The following BDP1 variants were observed in gnomAD, a reference collection of about 807,000 sequenced individuals.
BDP1 encodes the protein BDP1 general transcription factor IIIB subunit.
BDP1 carries 169 observed loss-of-function variants against 266.6 expected under a neutral mutation model. The ratio of observed to expected loss-of-function variants is 0.63; its 90% CI spans 0.56 to 0.72. BDP1 has a LOEUF of 0.72. BDP1 is among the 30% of genes least tolerant of loss of function. The pLI, the probability that BDP1 is intolerant of heterozygous loss-of-function variation, is 0.00. For synonymous variants in BDP1, 1,090 were observed against 1,022.4 expected (o/e 1.07, Z -1.26); for missense variants, 3,015 against 3,053.8 (o/e 0.99, Z 0.30).
In BDP1 at chr5:71,542,155, C is replaced by T. The variant is rs771114738; in HGVS notation, c.6302C>T (p.Ala2101Val). 46 of 1,611,546 alleles carry T rather than the reference C, an allele frequency of 2.9e-5. No homozygotes were observed. The highest frequency in any genetic ancestry group is 3.6e-5 in the Non-Finnish European group (42 of 1,178,924). The change falls in exon 30 of 39, where the codon GCT becomes GTT. Residue 2101 changes from alanine to valine, a missense_variant. By Grantham distance (64) the Ala-to-Val change is moderately conservative. Around this residue, in one of 3 missense-constraint regions of BDP1, gnomAD observed 629 missense variants for 632.5 expected, o/e 0.99. Coordinates refer to ENST00000358731, the MANE Select transcript of BDP1 (RefSeq NM_018429.3). ...TSNLRIRSRL[A>V]KPKPNLEKTL... is the part of the protein sequence containing the mutation. ...AATTTGAGAATAAGAAGTAGGCTTG[C>T]TAAGCCTAAACCAAATCTTGAGAAG...
chr5:71,489,335 C>A, intron 9 of BDP1, 69 bp from the exon 10 acceptor site: 1 of 1,202,018 alleles, frequency 8.3e-7, no homozygotes, highest in Non-Finnish European at 1.2e-6. Flanking sequence ...ATCTTTGAGT[C>A]TCTTTCCCAC....
chr5:71,469,600 T>G (rs1246934658), intron 6 of BDP1, among the ~76,000 whole-genome samples: 1 of 151,938 alleles, frequency 6.6e-6, no homozygotes, highest in Non-Finnish European at 1.5e-5. Context: ...AAATTCCAGA[T>G]GCTTTTGTAT....
intron 7 of BDP1, among the ~76,000 whole-genome samples, chr5:71,472,532 T>A (rs1217137851): frequency 6.6e-6 from 1 of 152,218 alleles, no homozygotes; most frequent in Non-Finnish European, 1.5e-5. Context: ...TGGACTAATG[T>A]ATTCCTGTAT....
chr5:71,534,763 T>C (rs745968434), intron 26 of BDP1, among the ~76,000 whole-genome samples: 1 of 152,140 alleles, frequency 6.6e-6, no homozygotes, highest in Non-Finnish European at 1.5e-5. Context: ...TGTCTCAGCT[T>C]CCCGAGTAGC....
Position 71,461,907 on chromosome 5 carries a change from C to G in BDP1, c.580C>G (p.Pro194Ala). 3 of 1,515,772 alleles carry G rather than the reference C, an allele frequency of 2.0e-6. No homozygotes were observed. Among genetic ancestry groups the G allele is most frequent in the Non-Finnish European group, 1.8e-6 (2 of 1,096,836 alleles). The allele number at this position is 1,515,772 out of a possible 1,614,324, so 93.9% of individuals were successfully genotyped here. ...MTMRDFIYYL[P>A]DNNPMTSSLE... ...TATGAGAGACTTCATATATTATCTA[C>G]CAGATAATAATCCAATGACGTAAGT... The change falls in exon 3 of 39, where the codon CCA (proline) becomes GCA (alanine). Residue 194 changes from proline (P) to alanine (A), a missense_variant. Physicochemically the swap from Pro to Ala is conservative, Grantham distance 27 (BLOSUM62 -1). This residue lies in a region of BDP1 where 2,383 missense variants were observed against 2,404.9 expected (regional missense o/e 0.99). Transcript: ENST00000358731.
At position 71,476,841 on chromosome 5, in the gene BDP1, C is replaced by G. The variant is rs565444083; in HGVS notation, c.1014+6352C>G. On this transcript the variant is annotated intron_variant, in intron 7 of 38. Coordinates refer to ENST00000358731, the MANE Select transcript of BDP1 (RefSeq NM_018429.3). ...GCCTCAGCCTTCCGAGTAGCTGGGA[C>G]TACAGGCGCCCGCCACCACGCCTGG... Among the ~76,000 whole-genome samples, 3 of 151,950 alleles carry G rather than the reference C, an allele frequency of 2.0e-5. No homozygotes were observed. The East Asian group carries it at 5.9e-4, about 30-fold the overall frequency.
chr5:71,512,925 G>C (rs556614805), intron 18 of BDP1, among the ~76,000 whole-genome samples: 4 of 151,836 alleles, frequency 2.6e-5, no homozygotes, highest in Non-Finnish European at 5.9e-5. Context: ...AGCTGGGTGT[G>C]GTGGCACATG....
At chr5:71,525,057 A>G (rs1368117077) in intron 25 of BDP1, among the ~76,000 whole-genome samples, 4 of 152,238 alleles carry the variant, frequency 2.6e-5, no homozygotes, top group Non-Finnish European at 4.4e-5. Context: ...CACGGCAACC[A>G]TCCGATTTCT....
chr5:71,461,950 T>TAATA, intron 3 of BDP1, 24 bp downstream of exon 3: 1 of 1,051,438 alleles, frequency 9.5e-7, no homozygotes, highest in Non-Finnish European at 1.4e-6. Flanking sequence ...ATTTCTGCTT[T>TAATA]ACTATCTCTT....
At chr5:71,484,803 C>T (rs3890749) in intron 8 of BDP1, among the ~76,000 whole-genome samples, 63,751 of 151,404 alleles carry the variant, frequency 0.42, 13,716 homozygotes, top group South Asian at 0.48. Flanking sequence ...ATTCAATGTC[C>T]ATTTAGTCGT....
chr5:71,479,559 T>A (rs990016454), intron 7 of BDP1, among the ~76,000 whole-genome samples: 2 of 151,760 alleles, frequency 1.3e-5, no homozygotes, highest in African/African-American at 4.8e-5. Context: ...CTTTTTCTTT[T>A]TTTTTGAGGC....
intron 26 of BDP1, among the ~76,000 whole-genome samples, chr5:71,533,319 T>TA (rs1766368419): frequency 6.6e-6 from 1 of 152,214 alleles, no homozygotes; most frequent in South Asian, 2.1e-4. Flanking sequence ...AGTCATATGG[T>TA]AACTCTATGT....
At chr5:71,490,098 T>C (rs149088777) in intron 10 of BDP1, among the ~76,000 whole-genome samples, 25 of 152,332 alleles carry the variant, frequency 1.6e-4, no homozygotes, top group African/African-American at 6.0e-4. Flanking sequence ...CCTTCCCTTT[T>C]TCTTTTTTAC....
intron 24 of BDP1, among the ~76,000 whole-genome samples, chr5:71,523,373 T>TG (rs1369226814): frequency 6.6e-6 from 1 of 152,124 alleles, no homozygotes; most frequent in Non-Finnish European, 1.5e-5. Flanking sequence ...GGAGTACAAT[T>TG]GCGTGACTCG....
rs774699645 is a variant in BDP1 at position 71,497,432 on chromosome 5, G to T, written c.1956+6G>T. 2.0e-5 allele frequency: 31 copies of T among 1,576,260 alleles called. No homozygotes were observed. Among genetic ancestry groups the T allele is most frequent in the Non-Finnish European group, 2.6e-5 (30 of 1,165,828 alleles). Reference sequence around the variant, plus strand: ...CAAAAACTTCAGTTGAAAAGGTATGGGGTAAGAGATTTCATGGAAATTAAA... The same window carrying T: ...CAAAAACTTCAGTTGAAAAGGTATGTGGTAAGAGATTTCATGGAAATTAAA... On this transcript the variant is annotated splice_donor_region_variant and intron_variant, in intron 13 of 38. Coordinates refer to ENST00000358731, the MANE Select transcript of BDP1 (RefSeq NM_018429.3).
chr5:71,471,194 G>T (rs1031627997), intron 7 of BDP1, among the ~76,000 whole-genome samples: 10 of 144,738 alleles, frequency 6.9e-5, no homozygotes, highest in African/African-American at 2.6e-4. Flanking sequence ...CCAGGCTGGA[G>T]TGCAGTGGTG....
chr5:71,473,441 A>T (rs1762390873), intron 7 of BDP1, among the ~76,000 whole-genome samples: 1 of 150,602 alleles, frequency 6.6e-6, no homozygotes, highest in South Asian at 2.1e-4. Context: ...CGCCCAGCTA[A>T]TTTTTTGTAT....
rs1364537298 is a variant in BDP1 at position 71,510,228 on chromosome 5, C to T, written c.3136C>T (p.Pro1046Ser). 6.2e-7 allele frequency: 1 copy of T among 1,612,108 alleles called. No homozygotes were observed. Among genetic ancestry groups the T allele is most frequent in the African/African-American group, 1.3e-5 (1 of 74,172 alleles). Residue 1046 changes from proline to serine, a missense_variant, in exon 17 of 39, where the codon CCA becomes TCA. This residue lies in a region of BDP1 where 2,383 missense variants were observed against 2,404.9 expected (regional missense o/e 0.99). Transcript: ENST00000358731. ...DLEETEREVSPQENGLEEVKP... is the reference protein window; with the variant it reads ...DLEETEREVSSQENGLEEVKP... The stretch of plus-strand genomic sequence containing the variant: ...GGAAGAAACTGAAAGAGAAGTATCC[C>T]CACAGGAAAATGGACTAGAGGAGGT...
Position 71,455,802 on chromosome 5 carries a change from C to T in BDP1, c.-76C>T, listed in dbSNP as rs998202165. ...TGTGGGGAGGGCGTAGTTCCTAATC[C>T]CCTTTCCGGGCAGCCGCCGGGGCTC... is the stretch of plus-strand genomic sequence containing the variant. On this transcript the variant is annotated 5_prime_UTR_variant, in exon 1 of 39. Coordinates refer to ENST00000358731, the MANE Select transcript of BDP1 (RefSeq NM_018429.3). 9.9e-6 allele frequency: 13 copies of T among 1,315,884 alleles called. No homozygotes were observed. The highest frequency in any genetic ancestry group is 1.5e-5 in the African/African-American group (1 of 68,042). 81.5% of individuals were successfully genotyped at this position (1,315,884 alleles called of 1,614,324 possible).
Sources: allele counts gnomAD v4.1 joint callset (sites outside exome capture counted in the v4.1 genomes callset), GRCh38; gene constraint gnomAD v4.1.1; regional missense constraint gnomAD v4.1.1; transcripts MANE v1.5; gene names NCBI Gene and HGNC (gene_info 2026-07-23, HGNC 2026-07-21).